The following PPP4R4 variants were observed in gnomAD, a reference collection of about 807,000 sequenced individuals.
PPP4R4 encodes the protein serine/threonine-protein phosphatase 4 regulatory subunit 4.
Under a neutral mutation model 121.8 loss-of-function variants are expected in PPP4R4, and 70 were observed. The ratio of observed to expected loss-of-function variants is 0.57; its 90% CI spans 0.47 to 0.70. The LOEUF (loss-of-function observed/expected upper bound fraction) is 0.70, where lower values mean the gene tolerates loss of function less well. PPP4R4 is among the 30% of genes least tolerant of loss of function. The pLI is 0.00. For missense variants in PPP4R4, 875 were observed against 1,033.6 expected, an observed-to-expected ratio of 0.85 and a Z score of 2.10; for synonymous variants, 348 against 355.7, an observed-to-expected ratio of 0.98 and a Z score of 0.24.
chr14:94,262,764 A>G (rs1420220456), intron 19 of PPP4R4, among the ~76,000 whole-genome samples: 1 of 152,030 alleles, frequency 6.6e-6, no homozygotes, highest in Non-Finnish European at 1.5e-5. Context: ...TTTCCTTAAG[A>G]TAAAAGAATT....
Position 94,264,958 on chromosome 14 carries a change from T to G in PPP4R4, c.2197+11T>G. 1.3e-6 allele frequency: 2 copies of G among 1,553,228 alleles called. No individual in the cohort carries two copies. Among genetic ancestry groups the G allele is most frequent in the Non-Finnish European group, 1.8e-6 (2 of 1,138,012 alleles). On this transcript the variant is annotated intron_variant, in intron 20 of 24. Transcript: ENST00000304338. ...TGTTTGAAAAGAAACGTAAGTAGTT[T>G]TTCTATGTCTTCAACACTTAATTAC...
chr14:94,249,584 T>C (rs1893075143), intron 14 of PPP4R4, among the ~76,000 whole-genome samples: 1 of 152,090 alleles, frequency 6.6e-6, no homozygotes, highest in Admixed American at 6.6e-5. Context: ...TAAATGGCCA[T>C]ATTTATTTAG....
chr14:94,201,945 AAT>A (rs1438209940), intron 2 of PPP4R4, among the ~76,000 whole-genome samples: 6 of 149,602 alleles, frequency 4.0e-5, no homozygotes, highest in South Asian at 2.1e-4. Flanking sequence ...TATATATATA[AAT>A]ATATATATAT....
intron 3 of PPP4R4, among the ~76,000 whole-genome samples, chr14:94,218,358 C>T (rs567889943): frequency 6.9e-6 from 1 of 145,170 alleles, no homozygotes; most frequent in South Asian, 2.2e-4. Flanking sequence ...ACACACACAC[C>T]CTCACCCCTA....
intron 7 of PPP4R4, 107 bp downstream of exon 7, chr14:94,234,776 A>G: frequency 1.3e-6 from 1 of 782,650 alleles, no homozygotes; most frequent in Non-Finnish European, 2.1e-6. Context: ...CTATGTCTGG[A>G]TTAAAAGAGA....
chr14:94,225,745 G>C (rs1229796919), intron 3 of PPP4R4, among the ~76,000 whole-genome samples: 1 of 152,126 alleles, frequency 6.6e-6, no homozygotes, highest in Non-Finnish European at 1.5e-5. Flanking sequence ...GTAGTATGAT[G>C]CTGGGACTTG....
At chr14:94,255,074 CTTATTG>C (rs1246317390) in intron 16 of PPP4R4, among the ~76,000 whole-genome samples, 1 of 152,218 alleles carries the variant, frequency 6.6e-6, no homozygotes, top group Non-Finnish European at 1.5e-5. Context: ...GGACAGCCAA[CTTATTG>C]AGCCTGTTGC....
intron 5 of PPP4R4, among the ~76,000 whole-genome samples, chr14:94,232,320 A>G (rs896153402): frequency 1.3e-5 from 2 of 152,296 alleles, no homozygotes; most frequent in African/African-American, 4.8e-5. Context: ...GACTTCATTA[A>G]GTGTCTTTGT....
chr14:94,235,143 C>G (rs1892264093), intron 7 of PPP4R4, among the ~76,000 whole-genome samples: 1 of 152,086 alleles, frequency 6.6e-6, no homozygotes, highest in African/African-American at 2.4e-5. Context: ...CTAATAGTAC[C>G]TAATACAATA....
At chr14:94,259,215 A>C in intron 18 of PPP4R4, 80 bp from the exon 19 acceptor site, 1 of 1,522,376 alleles carries the variant, frequency 6.6e-7, no homozygotes, top group South Asian at 1.3e-5. Flanking sequence ...AAACCATATC[A>C]TTTATATTGA....
At chr14:94,194,357 A>G (rs543683160) in intron 2 of PPP4R4, among the ~76,000 whole-genome samples, 2 of 152,344 alleles carry the variant, frequency 1.3e-5, no homozygotes, top group East Asian at 3.9e-4. Context: ...CCCAAAGAAT[A>G]GCACAACTGG....
At chr14:94,212,448 T>G (rs182159169) in intron 3 of PPP4R4, among the ~76,000 whole-genome samples, 1 of 152,256 alleles carries the variant, frequency 6.6e-6, no homozygotes, top group African/African-American at 2.4e-5. Context: ...CAATTTATTT[T>G]CTAAATTGTG....
intron 22 of PPP4R4, among the ~76,000 whole-genome samples, chr14:94,266,324 C>T (rs1409794399): frequency 6.6e-6 from 1 of 151,990 alleles, no homozygotes. Context: ...GTTAGCGTGA[C>T]AATAGATGAA....
chr14:94,205,979 A>G (rs769513221), intron 2 of PPP4R4, among the ~76,000 whole-genome samples: 2 of 152,032 alleles, frequency 1.3e-5, no homozygotes, highest in Non-Finnish European at 2.9e-5. Context: ...AATGTCTACT[A>G]AATCTTGGTT....
intron 20 of PPP4R4, among the ~76,000 whole-genome samples, 183 bp from the exon 21 acceptor site, chr14:94,265,204 T>A (rs1390267021): frequency 6.6e-6 from 1 of 152,204 alleles, no homozygotes; most frequent in Non-Finnish European, 1.5e-5. Context: ...GCTGTAAGAT[T>A]GTGAAATTGA....
chr14:94,212,796 T>C (rs534603154), intron 3 of PPP4R4, among the ~76,000 whole-genome samples: 2 of 152,300 alleles, frequency 1.3e-5, no homozygotes, highest in Admixed American at 6.5e-5. Context: ...ATCCAAAATA[T>C]TATACCATGG....
chr14:94,199,305 G>A (rs569540851), intron 2 of PPP4R4, among the ~76,000 whole-genome samples: 5 of 152,348 alleles, frequency 3.3e-5, no homozygotes, highest in East Asian at 1.9e-4. Flanking sequence ...GGGGAGTGGC[G>A]TGCTTCTTTG....
At chr14:94,273,562 T>A in intron 23 of PPP4R4, among the ~76,000 whole-genome samples, 1 of 152,120 alleles carries the variant, frequency 6.6e-6, no homozygotes, top group East Asian at 1.9e-4. Context: ...ATTGTCCAAA[T>A]CCGTAGCATG....
chr14:94,277,483 C>T (rs897591491), intron 24 of PPP4R4, among the ~76,000 whole-genome samples: 1 of 152,194 alleles, frequency 6.6e-6, no homozygotes, highest in African/African-American at 2.4e-5. Context: ...AAGGTGCCTT[C>T]TAGCTCTGGC....
Sources: gnomAD v4.1 joint callset for allele counts (sites outside exome capture counted in the v4.1 genomes callset) on GRCh38, gnomAD v4.1.1 for gene constraint, MANE v1.5 for transcripts, NCBI Gene and HGNC (gene_info 2026-07-23, HGNC 2026-07-21) for gene names.